Variants in ZNF177 observed in about 807,000 individuals in gnomAD.
ZNF177 encodes zinc finger protein 177.
In ZNF177, 17 loss-of-function variants were observed where a neutral mutation model predicts 19.4. The ratio of observed to expected loss-of-function variants is 0.87; its 90% CI spans 0.60 to 1.31. The LOEUF is 1.31. ZNF177 is among the 40% of genes most tolerant of loss of function. The pLI is 0.00. For missense variants in ZNF177, 633 were observed against 561.8 expected (o/e 1.13, Z -1.28); for synonymous variants, 220 against 188.7 (o/e 1.17, Z -1.36).
rs2068208702 is a variant in ZNF177, at chr19:9,381,861, A to G, written c.*84A>G. 3.3e-6 allele frequency: 5 copies of G among 1,507,704 alleles called. No individual in the cohort carries two copies. In the South Asian group the frequency reaches 6.8e-5, roughly 21 times the overall value. 93.4% of individuals were successfully genotyped at this position (1,507,704 alleles called of 1,614,324 possible). On this transcript the variant is annotated 3_prime_UTR_variant, in exon 6 of 6. Coordinates refer to ENST00000589262, the Ensembl canonical transcript of ZNF177. Reference sequence around the variant, plus strand: ...ATTGGAGAGAAGCCCTGTTATGGTCACCTGGAAACAGCCTTCTGGCCCAAC... The same window carrying G: ...ATTGGAGAGAAGCCCTGTTATGGTCGCCTGGAAACAGCCTTCTGGCCCAAC...
intron 2 of ZNF177, among the ~76,000 whole-genome samples, chr19:9,370,929 A>T (rs527691841): frequency 6.6e-6 from 1 of 152,322 alleles, no homozygotes; most frequent in South Asian, 2.1e-4. Context: ...ATCTTGCATC[A>T]TCTAGCGCTG....
At chr19:9,374,747 C>T (rs532138386), upstream of ZNF177, among the ~76,000 whole-genome samples, 1 of 152,014 alleles carries the variant, frequency 6.6e-6, no homozygotes, top group African/African-American at 2.4e-5. Flanking sequence ...TTAGTTTTAA[C>T]ATTTTTTCAT....
chr19:9,370,710 C>G (rs1390608151), intron 2 of ZNF177, among the ~76,000 whole-genome samples: 1 of 152,176 alleles, frequency 6.6e-6, no homozygotes, highest in Non-Finnish European at 1.5e-5. Flanking sequence ...GTGTGAGCCA[C>G]TGTGCCGGGC....
At chr19:9,381,958 T>C in exon 6 of ZNF177, 1 of 903,784 alleles carries the variant, frequency 1.1e-6, no homozygotes, top group Non-Finnish European at 1.6e-6. Flanking sequence ...AGTGAGTATT[T>C]CATTCTTATA....
At chr19:9,369,834 T>C (rs2068025514) in intron 2 of ZNF177, among the ~76,000 whole-genome samples, 6 of 152,064 alleles carry the variant, frequency 3.9e-5, no homozygotes, top group African/African-American at 1.4e-4. Flanking sequence ...ATATTGTGAG[T>C]CCCCAGTGGA....
intron 2 of ZNF177, 50 bp downstream of exon 4, chr19:9,378,394 A>C: frequency 6.2e-7 from 1 of 1,611,512 alleles, no homozygotes; most frequent in Non-Finnish European, 8.5e-7. Context: ...ATTCCTGAAA[A>C]GAACACATCT....
chr19:9,369,384 T>G (rs1161474648), intron 2 of ZNF177, among the ~76,000 whole-genome samples: 3 of 152,182 alleles, frequency 2.0e-5, no homozygotes, highest in African/African-American at 7.2e-5. Context: ...TAGTGCCTTT[T>G]GTCTCAAAAT....
exon 2 of ZNF177, chr19:9,378,288 G>A: frequency 1.2e-6 from 2 of 1,613,378 alleles, no homozygotes; most frequent in Non-Finnish European, 1.7e-6. Context: ...TGCCCAGCCA[G>A]GAAGGAAACC....
At chr19:9,381,921 A>T in exon 6 of ZNF177, 1 of 1,237,158 alleles carries the variant, frequency 8.1e-7, no homozygotes. Flanking sequence ...AAACCTTATA[A>T]ATGTTATAGC....
In ZNF177 at chr19:9,380,990, CA is replaced by C. The variant is rs1260016278; in HGVS notation, c.660del (p.Val221TyrfsTer83). The C allele has an allele frequency of 6.4e-7, 1 of 1,559,154 alleles. No homozygotes were observed. Among genetic ancestry groups the C allele is most frequent in the Admixed American group, 1.9e-5 (1 of 53,616 alleles). Reference sequence around the variant, plus strand: ...TCCTTCAGCCTACACTCTTCCTGCTCAGTACGTGAGCAAATACCTACTGGAG... The same window carrying C: ...TCCTTCAGCCTACACTCTTCCTGCTCGTACGTGAGCAAATACCTACTGGAG... On this transcript the variant is annotated frameshift_variant, in exon 6 of 6. Coordinates refer to ENST00000589262, the Ensembl canonical transcript of ZNF177. LOFTEE classifies it low-confidence loss of function (END_TRUNC).
Position 9,363,502 on chromosome 19 carries a change from T to C in ZNF177, c.-392+418T>C, listed in dbSNP as rs919672394. Among the ~76,000 whole-genome samples the C allele has an allele frequency of 6.6e-5, 10 of 152,360 alleles. No homozygotes were observed. The East Asian group carries it at 7.7e-4, about 12-fold the overall frequency. ...CTTTTTTTCCCCTCTGTTATGTGGATGCACCCTAGTGCCTGATACACATTT... is the reference window on the plus strand; with the variant it reads ...CTTTTTTTCCCCTCTGTTATGTGGACGCACCCTAGTGCCTGATACACATTT... On this transcript the variant is annotated intron_variant, in intron 1 of 8. Transcript: ENST00000343499.
At chr19:9,380,223 G>A (rs2068173486) in intron 5 of ZNF177, 84 bp downstream of exon 7, 1 of 1,452,104 alleles carries the variant, frequency 6.9e-7, no homozygotes, top group Non-Finnish European at 9.2e-7. Context: ...ACCCAAAGCA[G>A]GGGTAAGAAT....
At chr19:9,377,106 T>C (rs898603049) in intron 1 of ZNF177, among the ~76,000 whole-genome samples, 3 of 152,184 alleles carry the variant, frequency 2.0e-5, no homozygotes, top group African/African-American at 7.2e-5. Context: ...GGTCCACATA[T>C]GTGACAGTGC....
chr19:9,368,308 A>G (rs1009777572), intron 2 of ZNF177, among the ~76,000 whole-genome samples: 2 of 151,580 alleles, frequency 1.3e-5, no homozygotes, highest in African/African-American at 2.4e-5. Context: ...GTGTTACTCA[A>G]CCATCACCAG....
chr19:9,374,973 TTTTG>T (rs2068091739), upstream of ZNF177, among the ~76,000 whole-genome samples: 1 of 152,182 alleles, frequency 6.6e-6, no homozygotes, highest in Admixed American at 6.5e-5. Context: ...TAAGCTGTGG[TTTTG>T]TCACCTATGG....
At chr19:9,365,497 G>T (rs941667209) in intron 2 of ZNF177, among the ~76,000 whole-genome samples, 2 of 151,786 alleles carry the variant, frequency 1.3e-5, no homozygotes, top group South Asian at 2.1e-4. Flanking sequence ...CCAGAAAAGC[G>T]GAGAAGGGTA....
In ZNF177 at chr19:9,376,591, C is replaced by T. The variant is rs954261114; in HGVS notation, c.-54+168C>T. Among the ~76,000 whole-genome samples the T allele has an allele frequency of 3.3e-5, 5 of 152,224 alleles. No homozygotes were observed. In the East Asian group the frequency reaches 7.7e-4, roughly 24 times the overall value. ...AATATAGGTTCTTGCTTTGTGGCTA[C>T]TATGAAGCTTAAAACATCCTGTAGT... On this transcript the variant is annotated intron_variant, in intron 1 of 5. Transcript: ENST00000589262.
At chr19:9,368,827 C>T (rs1192614243) in intron 2 of ZNF177, among the ~76,000 whole-genome samples, 1 of 152,090 alleles carries the variant, frequency 6.6e-6, no homozygotes, top group African/African-American at 2.4e-5. Flanking sequence ...TATGAAACCA[C>T]TAATATTCAA....
At position 9,380,786 on chromosome 19, in the gene ZNF177, A is replaced by G. The variant is rs2068185053; in HGVS notation, c.455A>G (p.Lys152Arg). 5.2e-6 allele frequency: 8 copies of G among 1,536,022 alleles called. No homozygotes were observed. The Admixed American group carries it at 1.2e-4, about 23-fold the overall frequency. Reference sequence around the variant, plus strand: ...GGAGAGAAATGCTATAAATATATAAAGTATAGCAAAGTCTTCAACCATCCC... The same window carrying G: ...GGAGAGAAATGCTATAAATATATAAGGTATAGCAAAGTCTTCAACCATCCC... Residue 152 changes from lysine (K) to arginine (R), a missense_variant, in exon 6 of 6, where the codon AAG becomes AGG. Physicochemically the swap from Lys to Arg is conservative, Grantham distance 26. Transcript: ENST00000589262.
Sources: allele counts gnomAD v4.1 joint callset (sites outside exome capture counted in the v4.1 genomes callset), GRCh38; gene constraint gnomAD v4.1.1; transcripts MANE v1.5; gene names NCBI Gene and HGNC (gene_info 2026-07-23, HGNC 2026-07-21).